Variants in CEP57 observed in about 807,000 individuals in gnomAD.
CEP57 encodes centrosomal protein 57, also known as centrosomal protein of 57 kDa.
A neutral mutation model predicts 68.0 loss-of-function variants in CEP57; 40 were observed. The ratio of observed to expected loss-of-function variants is 0.59; its 90% CI spans 0.46 to 0.77. CEP57 has a LOEUF of 0.77. Among genes scored for constraint, CEP57 ranks in the 30% least tolerant of loss-of-function variants. CEP57 has a pLI of 0.00. For synonymous variants in CEP57, 219 were observed against 198.7 expected, an observed-to-expected ratio of 1.10 and a Z score of -0.86; for missense variants, 606 against 580.7, an observed-to-expected ratio of 1.04 and a Z score of -0.45.
intron 1 of CEP57, chr11:95,794,186 A>C (rs1338535290): frequency 2.2e-6 from 1 of 446,790 alleles, no homozygotes; most frequent in African/African-American, 2.0e-5. Flanking sequence ...GCAAGGGGCA[A>C]CTCTAGGGCA....
chr11:95,822,228 G>A (rs1466033132), intron 7 of CEP57: 33 of 576,814 alleles, frequency 5.7e-5, no homozygotes, highest in Middle Eastern at 4.6e-4. Context: ...GCATTATCTT[G>A]TGCTCTTACA....
chr11:95,815,032 A>G (rs1314281022), intron 4 of CEP57: 1 of 152,222 alleles, frequency 6.6e-6, no homozygotes, highest in African/African-American at 2.4e-5. Flanking sequence ...TGTTTGGAGA[A>G]TAATGTCAAG....
chr11:95,798,376 T>G (rs571876778), intron 1 of CEP57, among the ~76,000 whole-genome samples: 87 of 152,370 alleles, frequency 5.7e-4, no homozygotes, highest in African/African-American at 2.0e-3. Flanking sequence ...TTTTAAATAT[T>G]CATTGTGCTC....
chr11:95,819,233 C>CT (rs1378086129), intron 6 of CEP57, among the ~76,000 whole-genome samples: 1 of 152,154 alleles, frequency 6.6e-6, no homozygotes, highest in Non-Finnish European at 1.5e-5. Flanking sequence ...TATTTAAAAG[C>CT]TATCTTTCAG....
intron 4 of CEP57, among the ~76,000 whole-genome samples, chr11:95,814,357 AT>A (rs1170474932): frequency 0.014 from 1,503 of 109,914 alleles, 14 homozygotes; most frequent in African/African-American, 0.045. Context: ...CCTTGTGTGT[AT>A]TTTTTTTTTT....
At chr11:95,826,718 A>AT (rs1388399541) in intron 8 of CEP57, 6 of 152,136 alleles carry the variant, frequency 3.9e-5, no homozygotes, top group African/African-American at 1.2e-4. Flanking sequence ...CAGAACGAGA[A>AT]TTTTTTAAAT....
chr11:95,823,115 A>G (rs1205368217), intron 8 of CEP57: 1 of 153,900 alleles, frequency 6.5e-6, no homozygotes, highest in East Asian at 1.9e-4. Context: ...GCTAGTTGAC[A>G]CTACTTTATA....
At position 95,818,813 on chromosome 11, in the gene CEP57, A is replaced by AT. The variant is rs745634452; in HGVS notation, c.622-9dup. Reference sequence around the variant, plus strand: ...ATTTTTCACCTTTATCCCTTTTGACATTTTTATCACTAGAAAAAAATGCAA... The same window carrying AT: ...ATTTTTCACCTTTATCCCTTTTGACATTTTTTATCACTAGAAAAAAATGCAA... On this transcript the variant is annotated splice_polypyrimidine_tract_variant and intron_variant, in intron 5 of 10. Coordinates refer to ENST00000325542, the MANE Select transcript of CEP57 (RefSeq NM_014679.5). The AT allele has an allele frequency of 2.2e-5, 36 of 1,610,434 alleles. No individual in the cohort carries two copies. In the East Asian group the frequency reaches 7.1e-4, roughly 32 times the overall value.
intron 6 of CEP57, among the ~76,000 whole-genome samples, chr11:95,820,114 G>A (rs1276439776): frequency 1.3e-5 from 2 of 152,122 alleles, no homozygotes; most frequent in African/African-American, 2.4e-5. Context: ...ACAAAATTTA[G>A]TAAGTTCCTT....
upstream of CEP57, chr11:95,790,192 C>G (rs1464257854): frequency 2.8e-5 from 5 of 175,612 alleles, no homozygotes; most frequent in Admixed American, 2.2e-4. Flanking sequence ...CACGCTCTCT[C>G]CGGCGTTTAA....
At chr11:95,820,360 T>C (rs531871639) in intron 6 of CEP57, among the ~76,000 whole-genome samples, 1 of 151,800 alleles carries the variant, frequency 6.6e-6, no homozygotes, top group East Asian at 1.9e-4. Flanking sequence ...TGTTAAAGAG[T>C]GGTCTGCTGA....
In CEP57 at chr11:95,829,213, T is replaced by C. The variant is rs1326680483; in HGVS notation, c.1154T>C (p.Ile385Thr). 5.6e-6 allele frequency: 9 copies of C among 1,614,022 alleles called. No individual in the cohort carries two copies. The highest frequency in any genetic ancestry group is 4.4e-5 in the South Asian group (4 of 91,072). ...SFDHQQLAKL[I>T]QESPTVELKD... is the part of the protein sequence containing the mutation. ...GATCACCAGCAGCTTGCAAAACTTA[T>C]CCAGGAGTCGCCAACCGTTGAACTG... The change falls in exon 10 of 11, where the codon ATC becomes ACC. Residue 385 changes from isoleucine (I) to threonine (T), a missense_variant. Coordinates refer to ENST00000325542, the MANE Select transcript of CEP57 (RefSeq NM_014679.5).
Position 95,827,859 on chromosome 11 carries a change from C to T in CEP57, c.959C>T (p.Ala320Val). ...VLHLMKQHSK[A>V]LCNDRVINSI... ...CATCTAATGAAGCAACACAGTAAAG[C>T]TTTGTGCAATGATCGAGTCATCAAC... The change falls in exon 9 of 11, where the codon GCT (alanine) becomes GTT (valine). Residue 320 changes from alanine (A) to valine (V), a missense_variant. Coordinates refer to ENST00000325542, the MANE Select transcript of CEP57 (RefSeq NM_014679.5). The T allele has an allele frequency of 1.9e-6, 3 of 1,614,052 alleles. No homozygotes were observed. Among genetic ancestry groups the T allele is most frequent in the Non-Finnish European group, 2.5e-6 (3 of 1,179,988 alleles).
intron 4 of CEP57, chr11:95,815,012 T>C (rs1288019766): frequency 6.6e-6 from 1 of 152,290 alleles, no homozygotes; most frequent in Non-Finnish European, 1.5e-5. Flanking sequence ...AAATAGTTGC[T>C]GTACTATATT....
intron 5 of CEP57, 136 bp downstream of exon 5, chr11:95,818,039 A>G: frequency 3.0e-6 from 2 of 666,014 alleles, no homozygotes; most frequent in Non-Finnish European, 5.4e-6. Context: ...TTTTAAAAAG[A>G]AAATATAAAT....
chr11:95,829,039 C>T (rs1191936466), intron 9 of CEP57, 148 bp from the exon 10 acceptor site: 5 of 736,956 alleles, frequency 6.8e-6, no homozygotes, highest in Non-Finnish European at 1.1e-5. Context: ...AAGACTCCGT[C>T]TCAAAAAAAA....
At chr11:95,796,107 A>G (rs1313808405) in intron 1 of CEP57, among the ~76,000 whole-genome samples, 1 of 152,222 alleles carries the variant, frequency 6.6e-6, no homozygotes, top group Non-Finnish European at 1.5e-5. Flanking sequence ...TTTGAGTTTT[A>G]TCTAGGTAAT....
intron 2 of CEP57, among the ~76,000 whole-genome samples, chr11:95,800,207 G>C (rs889881259): frequency 6.6e-6 from 1 of 152,146 alleles, no homozygotes; most frequent in Non-Finnish European, 1.5e-5. Flanking sequence ...GGGAAGATCT[G>C]CTTCCAAGCT....
chr11:95,814,275 C>A (rs1302429921), intron 4 of CEP57, among the ~76,000 whole-genome samples: 1 of 151,814 alleles, frequency 6.6e-6, no homozygotes, highest in Non-Finnish European at 1.5e-5. Flanking sequence ...TCTCAAACTC[C>A]TGGCCTCAAG....
Sources: gnomAD v4.1 joint callset for allele counts (sites outside exome capture counted in the v4.1 genomes callset) on GRCh38, gnomAD v4.1.1 for gene constraint, MANE v1.5 for transcripts, NCBI Gene and HGNC (gene_info 2026-07-23, HGNC 2026-07-21) for gene names.